The following RBFOX3 variants were observed in gnomAD, a reference collection of about 807,000 sequenced individuals.
RBFOX3 encodes the protein RNA binding protein fox-1 homolog 3.
A neutral mutation model predicts 48.7 loss-of-function variants in RBFOX3; 17 were observed. The observed-to-expected ratio is 0.35, with a 90% CI of 0.24 to 0.52. The LOEUF (loss-of-function observed/expected upper bound fraction) is 0.52, where lower values mean the gene tolerates loss of function less well. RBFOX3 is among the 20% of genes least tolerant of loss of function. The pLI is 0.94. For missense variants in RBFOX3, 382 were observed against 497.5 expected (o/e 0.77, Z 2.21); for synonymous variants, 212 against 209.5 (o/e 1.01, Z -0.10).
At chr17:79,303,851 CTGTGTGTGTGTG>C (rs34981785) in intron 3 of RBFOX3, among the ~76,000 whole-genome samples, 1 of 147,780 alleles carries the variant, frequency 6.8e-6, no homozygotes, top group Non-Finnish European at 1.5e-5. Context: ...GCATGTCTGC[CTGTGTGTGTGTG>C]TGTGTGTGTG....
At chr17:79,269,669 C>T (rs528737863) in intron 3 of RBFOX3, among the ~76,000 whole-genome samples, 1 of 152,192 alleles carries the variant, frequency 6.6e-6, no homozygotes, top group East Asian at 1.9e-4. Context: ...CTGTCAGCTC[C>T]CTGCACCCCC....
chr17:79,169,035 G>C (rs116670168), intron 4 of RBFOX3, among the ~76,000 whole-genome samples: 2 of 152,172 alleles, frequency 1.3e-5, no homozygotes, highest in Non-Finnish European at 2.9e-5. Context: ...CCACACTGCC[G>C]CTGAGTGGAG....
intron 1 of RBFOX3, among the ~76,000 whole-genome samples, chr17:79,502,884 T>G (rs1327934446): frequency 6.6e-6 from 1 of 152,102 alleles, no homozygotes; most frequent in Admixed American, 6.5e-5. Context: ...CTGGCCAACC[T>G]CCTCCAGCCT....
upstream of RBFOX3, among the ~76,000 whole-genome samples, chr17:79,611,189 C>CTCCGCCCTCCT (rs2093966015): frequency 8.3e-6 from 1 of 119,856 alleles, no homozygotes; most frequent in Non-Finnish European, 1.8e-5. Context: ...CTCCTTCTCT[C>CTCCGCCCTCCT]TCTCTCTCTC....
intron 1 of RBFOX3, among the ~76,000 whole-genome samples, chr17:79,496,857 A>G (rs2081614636): frequency 6.6e-6 from 1 of 152,116 alleles, no homozygotes; most frequent in Non-Finnish European, 1.5e-5. Context: ...CGGAGCTGGG[A>G]GCTCTTGAGG....
At chr17:79,381,832 A>C (rs906304611) in intron 2 of RBFOX3, among the ~76,000 whole-genome samples, 1 of 152,136 alleles carries the variant, frequency 6.6e-6, no homozygotes, top group Non-Finnish European at 1.5e-5. Context: ...CCTGGACTTG[A>C]GAGCCCCAGG....
chr17:79,248,228 TTG>T (rs759051530), intron 3 of RBFOX3, among the ~76,000 whole-genome samples: 2 of 151,902 alleles, frequency 1.3e-5, no homozygotes, highest in Non-Finnish European at 2.9e-5. Context: ...TGGCTTTGTT[TTG>T]TGTGTGTGTG....
intron 3 of RBFOX3, among the ~76,000 whole-genome samples, chr17:79,285,705 A>G (rs1003691891): frequency 2.7e-5 from 3 of 110,568 alleles, no homozygotes; most frequent in African/African-American, 7.3e-5. Flanking sequence ...TTTTTTTGAG[A>G]TGGAGTCTCG....
chr17:79,611,169 T>TCTCTCG, upstream of RBFOX3, among the ~76,000 whole-genome samples: 6 of 25,926 alleles, frequency 2.3e-4, 1 homozygote, highest in South Asian at 1.8e-3. Flanking sequence ...TCTCTCTCTC[T>TCTCTCG]CTCTCCGCCC....
At chr17:79,176,544 G>A (rs1252659930) in intron 4 of RBFOX3, among the ~76,000 whole-genome samples, 2 of 152,272 alleles carry the variant, frequency 1.3e-5, no homozygotes, top group South Asian at 4.1e-4. Context: ...TTCCAGCTGC[G>A]CTGGTGACAC....
At chr17:79,266,036 G>A (rs2066641734) in intron 3 of RBFOX3, among the ~76,000 whole-genome samples, 1 of 152,256 alleles carries the variant, frequency 6.6e-6, no homozygotes, top group South Asian at 2.1e-4. Context: ...TTCCCAGAGG[G>A]CTGCTCACCC....
chr17:79,119,652 A>G (rs2035148826), intron 4 of RBFOX3, among the ~76,000 whole-genome samples: 1 of 152,180 alleles, frequency 6.6e-6, no homozygotes, highest in Non-Finnish European at 1.5e-5. Context: ...AGGTTTCTCC[A>G]TCCGCAAATG....
intron 1 of RBFOX3, among the ~76,000 whole-genome samples, chr17:79,491,603 G>A (rs930726552): frequency 2.0e-4 from 30 of 152,174 alleles, no homozygotes; most frequent in African/African-American, 7.0e-4. Flanking sequence ...CCCGGGTTTC[G>A]GGTTTGTCCA....
the RBFOX3 span, among the ~76,000 whole-genome samples, chr17:79,616,254 G>A: frequency 2.6e-5 from 4 of 152,046 alleles, no homozygotes; most frequent in South Asian, 2.1e-4. Flanking sequence ...TGGATCTCTC[G>A]GCCGGGCACG....
intron 4 of RBFOX3, among the ~76,000 whole-genome samples, chr17:79,137,853 A>G (rs967965922): frequency 9.9e-5 from 15 of 152,086 alleles, no homozygotes; most frequent in Admixed American, 7.2e-4. Flanking sequence ...AAGCGGGGCC[A>G]TTTCCTCCCG....
intron 2 of RBFOX3, among the ~76,000 whole-genome samples, chr17:79,439,240 G>A (rs900195295): frequency 2.6e-4 from 40 of 152,210 alleles, no homozygotes; most frequent in African/African-American, 9.7e-4. Flanking sequence ...GGGGAAGAGA[G>A]GCTGCTTGCA....
intron 4 of RBFOX3, among the ~76,000 whole-genome samples, chr17:79,118,975 C>CAAA (rs767042086): frequency 1.3e-4 from 10 of 75,748 alleles, no homozygotes; most frequent in Non-Finnish European, 5.9e-5. Flanking sequence ...ACCCCTGTCT[C>CAAA]AAAAAAAAAA....
chr17:79,485,692 G>C (rs1168459146), intron 1 of RBFOX3, among the ~76,000 whole-genome samples: 1 of 152,192 alleles, frequency 6.6e-6, no homozygotes, highest in Non-Finnish European at 1.5e-5. Context: ...GTCTGCAGCC[G>C]CCGGCTTAGA....
intron 1 of RBFOX3, among the ~76,000 whole-genome samples, chr17:79,572,717 C>CA (rs1202204539): frequency 3.9e-5 from 6 of 152,324 alleles, no homozygotes; most frequent in East Asian, 1.9e-4. Flanking sequence ...CAGCGGTTTG[C>CA]AAACGTGCGT....
Sources: gnomAD v4.1 joint callset for allele counts (sites outside exome capture counted in the v4.1 genomes callset) on GRCh38, gnomAD v4.1.1 for gene constraint, MANE v1.5 for transcripts, NCBI Gene and HGNC (gene_info 2026-07-23, HGNC 2026-07-21) for gene names.